Variants in ATOSA observed in about 807,000 individuals in gnomAD.
ATOSA encodes atos homolog protein A.
chr15:52,648,965 G>A, the ATOSA span, among the ~76,000 whole-genome samples: 1 of 152,080 alleles, frequency 6.6e-6, no homozygotes, highest in Admixed American at 6.6e-5. Flanking sequence ...TTTCTCAATA[G>A]TCCTCATGCT....
chr15:52,602,326 C>T, the ATOSA span, among the ~76,000 whole-genome samples: 1 of 152,194 alleles, frequency 6.6e-6, no homozygotes, highest in Non-Finnish European at 1.5e-5. Flanking sequence ...CTTCATCTAT[C>T]TCCCAGAATA....
the ATOSA span, chr15:52,601,066 A>G: frequency 1.4e-6 from 2 of 1,462,338 alleles, no homozygotes; most frequent in Admixed American, 2.4e-5. Flanking sequence ...AAACACACAA[A>G]TGAATTTTGA....
At chr15:52,676,281 C>G in the ATOSA span, among the ~76,000 whole-genome samples, 1 of 152,104 alleles carries the variant, frequency 6.6e-6, no homozygotes, top group Non-Finnish European at 1.5e-5. Context: ...TAACTGTTTT[C>G]TCGTTAAGAG....
At chr15:52,622,808 GGA>G in the ATOSA span, among the ~76,000 whole-genome samples, 1 of 151,906 alleles carries the variant, frequency 6.6e-6, no homozygotes, top group African/African-American at 2.4e-5. Flanking sequence ...ATTGCAGTGG[GGA>G]GAGAGGGAAA....
the ATOSA span, among the ~76,000 whole-genome samples, chr15:52,673,556 T>C: frequency 6.6e-6 from 1 of 152,244 alleles, no homozygotes; most frequent in Admixed American, 6.5e-5. Flanking sequence ...ATATGTGAAG[T>C]ACTTAAGACA....
At chr15:52,668,368 A>T in the ATOSA span, among the ~76,000 whole-genome samples, 7 of 152,356 alleles carry the variant, frequency 4.6e-5, no homozygotes, top group Non-Finnish European at 1.0e-4. Context: ...TTATCATAGA[A>T]GTAGCGAGTA....
At chr15:52,671,542 TCA>T in the ATOSA span, among the ~76,000 whole-genome samples, 2 of 152,024 alleles carry the variant, frequency 1.3e-5, no homozygotes, top group African/African-American at 4.8e-5. Flanking sequence ...GTTTCCGGAC[TCA>T]CAAAACTTAA....
At chr15:52,690,364 A>G in the ATOSA span, among the ~76,000 whole-genome samples, 1 of 152,138 alleles carries the variant, frequency 6.6e-6, no homozygotes, top group Non-Finnish European at 1.5e-5. Context: ...ATACGGAGAA[A>G]CCTGAATGTA....
chr15:52,685,883 A>G, the ATOSA span, among the ~76,000 whole-genome samples: 5 of 151,968 alleles, frequency 3.3e-5, no homozygotes, highest in African/African-American at 1.2e-4. Context: ...TGCCCCGCTA[A>G]TTTTTTAACT....
chr15:52,644,529 T>G, the ATOSA span, among the ~76,000 whole-genome samples: 1 of 152,348 alleles, frequency 6.6e-6, no homozygotes, highest in African/African-American at 2.4e-5. Context: ...AGCACAGTGC[T>G]CGACATGAAC....
the ATOSA span, among the ~76,000 whole-genome samples, chr15:52,633,975 A>G: frequency 6.6e-6 from 1 of 152,178 alleles, no homozygotes; most frequent in Non-Finnish European, 1.5e-5. Flanking sequence ...ACTATACACA[A>G]AGTGGCATAA....
the ATOSA span, among the ~76,000 whole-genome samples, chr15:52,672,872 C>G: frequency 2.0e-5 from 3 of 152,132 alleles, no homozygotes; most frequent in Admixed American, 2.0e-4. Flanking sequence ...GATGGGGTAT[C>G]TCTACGTCAA....
the ATOSA span, among the ~76,000 whole-genome samples, chr15:52,607,093 A>G: frequency 6.6e-6 from 1 of 152,218 alleles, no homozygotes; most frequent in Non-Finnish European, 1.5e-5. Context: ...AGATAGGCAA[A>G]AGAGATTAAT....
chr15:52,638,984 T>C, the ATOSA span, among the ~76,000 whole-genome samples: 1 of 150,310 alleles, frequency 6.7e-6, no homozygotes, highest in Admixed American at 6.6e-5. Flanking sequence ...AAGCACTGAT[T>C]ATGAAGAAAA....
chr15:52,588,080 C>T, the ATOSA span, among the ~76,000 whole-genome samples: 16 of 152,260 alleles, frequency 1.1e-4, no homozygotes, highest in Admixed American at 1.0e-3. Context: ...CAGGAGTCCT[C>T]CAGTTAGTTT....
At chr15:52,583,531 G>A in the ATOSA span, among the ~76,000 whole-genome samples, 2 of 152,064 alleles carry the variant, frequency 1.3e-5, no homozygotes. Flanking sequence ...GATTACAGGT[G>A]TCCACCACCA....
the ATOSA span, among the ~76,000 whole-genome samples, chr15:52,626,405 A>G: frequency 1.3e-5 from 2 of 152,166 alleles, no homozygotes; most frequent in African/African-American, 4.8e-5. Flanking sequence ...GGTTATAAAT[A>G]AAGTGTTTCA....
chr15:52,632,960 C>T, the ATOSA span, among the ~76,000 whole-genome samples: 6 of 152,092 alleles, frequency 3.9e-5, no homozygotes, highest in South Asian at 2.1e-4. Flanking sequence ...TGTTTTGTAA[C>T]TGCAGTAAGT....
chr15:52,611,168 A>C, the ATOSA span: 1 of 1,613,910 alleles, frequency 6.2e-7, no homozygotes, highest in Admixed American at 1.7e-5. Context: ...CATGAGAAAC[A>C]CTCAGCCATG....
Sources: gnomAD v4.1 joint callset for allele counts (sites outside exome capture counted in the v4.1 genomes callset) on GRCh38, gnomAD v4.1.1 for gene constraint, MANE v1.5 for transcripts, NCBI Gene and HGNC (gene_info 2026-07-23, HGNC 2026-07-21) for gene names.